CRADD: variants seen among roughly 807,000 people sequenced by gnomAD.
The protein encoded by CRADD is death domain-containing protein CRADD.
A neutral mutation model predicts 15.5 loss-of-function variants in CRADD; 9 were observed. The ratio of observed to expected loss-of-function variants is 0.58; its 90% CI spans 0.35 to 1.01. The LOEUF (loss-of-function observed/expected upper bound fraction) is 1.01, where lower values mean the gene tolerates loss of function less well. Among genes scored for constraint, CRADD ranks in the 50% least tolerant of loss-of-function variants. The pLI, the probability that CRADD is intolerant of heterozygous loss-of-function variation, is 0.02. For missense variants in CRADD, 227 were observed against 250.3 expected (o/e 0.91, Z 0.63); for synonymous variants, 118 against 107.6 (o/e 1.10, Z -0.60).
At chr12:93,821,340 C>T (rs1049565578) in intron 2 of CRADD, among the ~76,000 whole-genome samples, 24 of 152,186 alleles carry the variant, frequency 1.6e-4, no homozygotes, top group Non-Finnish European at 7.3e-5. Flanking sequence ...CTCCTAAGCT[C>T]GTTCAACCTC....
At chr12:93,724,375 T>G (rs551311728) in intron 2 of CRADD, among the ~76,000 whole-genome samples, 2 of 119,168 alleles carry the variant, frequency 1.7e-5, no homozygotes, top group Admixed American at 8.3e-5. Context: ...CCAGACCCTG[T>G]CTCAAAAAAA....
At chr12:93,786,044 C>CA (rs1299990430) in intron 2 of CRADD, among the ~76,000 whole-genome samples, 1 of 152,144 alleles carries the variant, frequency 6.6e-6, no homozygotes, top group African/African-American at 2.4e-5. Flanking sequence ...GTCACAGACT[C>CA]AAAAGCATTA....
In CRADD at chr12:93,771,587, A is replaced by G. The variant is rs74924486; in HGVS notation, c.299-78383A>G. ...TTACTGGAGTGGAACTTTACAGAAGAGCACAAAAAGAAAACCTTGTTAAGC... is the reference window on the plus strand; with the variant it reads ...TTACTGGAGTGGAACTTTACAGAAGGGCACAAAAAGAAAACCTTGTTAAGC... On this transcript the variant is annotated intron_variant, in intron 2 of 2. Transcript: ENST00000332896. 1.9e-3 allele frequency among the ~76,000 whole-genome samples: 292 copies of G among 152,352 alleles called. 6 individuals are homozygous for G. In the East Asian group the frequency reaches 0.049, roughly 25 times the overall value.
At chr12:93,816,139 A>C (rs1177665275) in intron 2 of CRADD, 5 of 152,240 alleles carry the variant, frequency 3.3e-5, no homozygotes, top group Non-Finnish European at 7.3e-5. Context: ...TTAACCCAGT[A>C]TATTCAAAGT....
intron 2 of CRADD, among the ~76,000 whole-genome samples, chr12:93,847,238 G>T (rs1009376661): frequency 6.6e-6 from 1 of 151,978 alleles, no homozygotes; most frequent in Admixed American, 6.6e-5. Flanking sequence ...GACTAAGTTG[G>T]TATCAGAATT....
At chr12:93,884,891 A>C (rs752399967) in intron 2 of CRADD, among the ~76,000 whole-genome samples, 1 of 152,198 alleles carries the variant, frequency 6.6e-6, no homozygotes, top group Non-Finnish European at 1.5e-5. Context: ...ACCCGAATGC[A>C]TAGAGTGGGA....
At chr12:93,844,408 A>G (rs765141687) in intron 2 of CRADD, among the ~76,000 whole-genome samples, 3 of 152,106 alleles carry the variant, frequency 2.0e-5, no homozygotes, top group Non-Finnish European at 2.9e-5. Context: ...AACAGCTGTG[A>G]TTGCCTCTCT....
intron 2 of CRADD, among the ~76,000 whole-genome samples, chr12:93,680,415 ATGTCTGAATACC>A (rs1251893741): frequency 6.6e-6 from 1 of 152,208 alleles, no homozygotes; most frequent in Non-Finnish European, 1.5e-5. Flanking sequence ...ATTTTGACAT[ATGTCTGAATACC>A]TGATCAGCAT....
At chr12:93,700,806 A>T (rs1955827676) in intron 2 of CRADD, among the ~76,000 whole-genome samples, 2 of 151,940 alleles carry the variant, frequency 1.3e-5, no homozygotes, top group African/African-American at 4.8e-5. Context: ...CTTTGCCTAT[A>T]GTGTGAATGT....
chr12:93,805,178 C>G (rs779006778), intron 2 of CRADD, among the ~76,000 whole-genome samples: 15 of 151,722 alleles, frequency 9.9e-5, no homozygotes, highest in Non-Finnish European at 1.9e-4. Flanking sequence ...AATCATGTTG[C>G]CTTTGTACAT....
At chr12:93,853,829 C>T (rs915058350), downstream of CRADD, among the ~76,000 whole-genome samples, 5 of 152,188 alleles carry the variant, frequency 3.3e-5, no homozygotes, top group South Asian at 2.1e-4. Flanking sequence ...TGCCACTATT[C>T]GCTGCCGTCA....
At chr12:93,713,112 T>C (rs1956103338) in intron 2 of CRADD, among the ~76,000 whole-genome samples, 2 of 152,134 alleles carry the variant, frequency 1.3e-5, no homozygotes, top group African/African-American at 2.4e-5. Flanking sequence ...TTGGGGTACA[T>C]TGACCTCTGA....
chr12:93,816,923 AG>A (rs1957707417), intron 2 of CRADD, among the ~76,000 whole-genome samples: 1 of 152,238 alleles, frequency 6.6e-6, no homozygotes, highest in African/African-American at 2.4e-5. Context: ...GCAGGGTTCA[AG>A]CCTTGGAAGA....
At chr12:93,791,120 A>G (rs1478838209) in intron 2 of CRADD, among the ~76,000 whole-genome samples, 1 of 152,192 alleles carries the variant, frequency 6.6e-6, no homozygotes, top group Non-Finnish European at 1.5e-5. Flanking sequence ...AATTTCTTCA[A>G]AAAACTAAAA....
rs958561187 is a variant in CRADD at position 93,773,875 on chromosome 12, T to TGG, written c.299-76094_299-76093dup. ...TTCTGTTGTCCAGGCTCTAGTGCAG[T>TGG]GGTGTGGTTGTCCAGGCTCTAGTGC... On this transcript the variant is annotated intron_variant, in intron 2 of 2. Transcript: ENST00000332896. Among the ~76,000 whole-genome samples the TGG allele has an allele frequency of 7.8e-5, 11 of 141,348 alleles. No individual in the cohort carries two copies. In the South Asian group the frequency reaches 2.4e-3, roughly 31 times the overall value. 92.7% of individuals were successfully genotyped at this position (141,348 alleles called of 152,430 possible).
At chr12:93,801,583 G>T (rs1445315404) in intron 2 of CRADD, among the ~76,000 whole-genome samples, 1 of 152,132 alleles carries the variant, frequency 6.6e-6, no homozygotes, top group Non-Finnish European at 1.5e-5. Context: ...ATTTTTAGTA[G>T]AAATGGAGTT....
chr12:93,835,524 A>G (rs1466198677), intron 2 of CRADD, among the ~76,000 whole-genome samples: 1 of 152,156 alleles, frequency 6.6e-6, no homozygotes, highest in Non-Finnish European at 1.5e-5. Flanking sequence ...TTGGATCTTT[A>G]AACACTTTGG....
At chr12:93,847,113 AAGGT>A (rs1172035170) in intron 2 of CRADD, among the ~76,000 whole-genome samples, 2 of 152,160 alleles carry the variant, frequency 1.3e-5, no homozygotes, top group Non-Finnish European at 2.9e-5. Context: ...AGAAAAAAAG[AAGGT>A]TATGCCACAT....
intron 2 of CRADD, among the ~76,000 whole-genome samples, chr12:93,780,393 G>A (rs1233153316): frequency 6.6e-6 from 1 of 152,198 alleles, no homozygotes; most frequent in African/African-American, 2.4e-5. Context: ...GGCGTGCGCG[G>A]TAGATATTAC....
Sources: allele counts gnomAD v4.1 joint callset (sites outside exome capture counted in the v4.1 genomes callset), GRCh38; gene constraint gnomAD v4.1.1; transcripts MANE v1.5; gene names NCBI Gene and HGNC (gene_info 2026-07-23, HGNC 2026-07-21).